GMCL1: variants seen among roughly 807,000 people sequenced by gnomAD.
GMCL1 encodes germ cell-less 1, spermatogenesis associated.
In GMCL1, 54 loss-of-function variants were observed where a neutral mutation model predicts 75.5. The ratio of observed to expected loss-of-function variants is 0.71; its 90% CI spans 0.57 to 0.90. GMCL1 has a LOEUF of 0.90. GMCL1 is among the 40% of genes least tolerant of loss of function. The pLI is 0.00. For synonymous variants in GMCL1, 210 were observed against 209.6 expected, an observed-to-expected ratio of 1.00 and a Z score of -0.02; for missense variants, 537 against 622.7, an observed-to-expected ratio of 0.86 and a Z score of 1.47.
At chr2:69,844,086 TA>T in intron 5 of GMCL1, 44 bp from the exon 6 acceptor site, 2 of 922,416 alleles carry the variant, frequency 2.2e-6, no homozygotes, top group Non-Finnish European at 3.2e-6. Context: ...TAATAAATTG[TA>T]AATACATGGC....
intron 8 of GMCL1, among the ~76,000 whole-genome samples, chr2:69,849,999 A>G (rs551913449): frequency 1.3e-5 from 2 of 152,306 alleles, no homozygotes; most frequent in East Asian, 1.9e-4. Flanking sequence ...AACTGTCATC[A>G]TACTCTTGAT....
At chr2:69,830,954 C>T (rs549479689) in intron 1 of GMCL1, among the ~76,000 whole-genome samples, 50 of 152,290 alleles carry the variant, frequency 3.3e-4, no homozygotes, top group African/African-American at 1.2e-3. Flanking sequence ...GAGCCTTGCT[C>T]TGTCACTCAG....
intron 7 of GMCL1, 149 bp downstream of exon 7, chr2:69,847,776 A>G: frequency 2.1e-6 from 1 of 465,196 alleles, no homozygotes; most frequent in Non-Finnish European, 3.8e-6. Flanking sequence ...AAGTCTTTAT[A>G]TTTAGGGATT....
rs771861667 is a variant in GMCL1 at position 69,847,607 on chromosome 2, A to T, written c.823A>T (p.Ile275Leu). The change falls in exon 7 of 14, where the codon ATA (isoleucine) becomes TTA (leucine). Residue 275 changes from isoleucine to leucine, a missense_variant. Physicochemically the swap from Ile to Leu is conservative, Grantham distance 5. Transcript: ENST00000282570. ...NLFVMQVEMD[I>L]YTALKKWMFL... ...ATTTGTGATGCAAGTGGAGATGGATATATACACTGCTCTAAAAAAGGTACT... is the reference window on the plus strand; with the variant it reads ...ATTTGTGATGCAAGTGGAGATGGATTTATACACTGCTCTAAAAAAGGTACT... 6.2e-6 allele frequency: 10 copies of T among 1,606,728 alleles called. No individual in the cohort carries two copies. In the South Asian group the frequency reaches 1.1e-4, roughly 18 times the overall value.
intron 1 of GMCL1, among the ~76,000 whole-genome samples, chr2:69,830,960 C>G (rs1209006321): frequency 6.6e-6 from 1 of 152,206 alleles, no homozygotes; most frequent in Non-Finnish European, 1.5e-5. Context: ...TGCTCTGTCA[C>G]TCAGGCCGGA....
chr2:69,835,942 G>T (rs1031434915), intron 1 of GMCL1, among the ~76,000 whole-genome samples: 1 of 152,118 alleles, frequency 6.6e-6, no homozygotes, highest in African/African-American at 2.4e-5. Flanking sequence ...TGCTTTGTCT[G>T]GGCACCAGCA....
chr2:69,866,059 G>T (rs1675807617), intron 11 of GMCL1, among the ~76,000 whole-genome samples: 2 of 152,130 alleles, frequency 1.3e-5, no homozygotes, highest in Admixed American at 1.3e-4. Context: ...GACCATCCTG[G>T]CTAACATGGT....
At chr2:69,862,628 G>A (rs1189331237) in intron 10 of GMCL1, among the ~76,000 whole-genome samples, 4 of 151,990 alleles carry the variant, frequency 2.6e-5, no homozygotes, top group Admixed American at 6.6e-5. Flanking sequence ...GTGTGGTAGC[G>A]CATGCCTGTA....
At chr2:69,841,302 C>T (rs749004155) in intron 4 of GMCL1, among the ~76,000 whole-genome samples, 4 of 152,076 alleles carry the variant, frequency 2.6e-5, no homozygotes, top group South Asian at 2.1e-4. Context: ...GTGGAAAAAA[C>T]GTACTTGTCT....
rs1675037124 is a variant in GMCL1, at chr2:69,843,238, T to C, written c.669T>C (p.Tyr223=). ...GCTATTACACATCAGCAGGGACCTA[T>C]GGATTAGATTCTGTAAAGAAAAAGT... ...VCGYYTSAGT[Y]GLDSVKKKCL... Residue 223 remains tyrosine (Y), a synonymous_variant, in exon 5 of 14, where the codon TAT becomes TAC. Coordinates refer to ENST00000282570, the MANE Select transcript of GMCL1 (RefSeq NM_178439.5). 1 of 1,595,848 alleles carries C rather than the reference T, an allele frequency of 6.3e-7. No homozygotes were observed. The highest frequency in any genetic ancestry group is 8.6e-7 in the Non-Finnish European group (1 of 1,164,438).
intron 4 of GMCL1, among the ~76,000 whole-genome samples, chr2:69,842,135 A>G (rs1184302495): frequency 6.6e-6 from 1 of 152,218 alleles, no homozygotes; most frequent in Non-Finnish European, 1.5e-5. Flanking sequence ...CATTCGTCCA[A>G]GGGAGGAAAG....
chr2:69,843,334 G>T (rs971959234), intron 5 of GMCL1, 73 bp downstream of exon 5: 1 of 737,120 alleles, frequency 1.4e-6, no homozygotes, highest in Non-Finnish European at 2.4e-6. Context: ...TTAAGAGAAT[G>T]TATAGCTATA....
chr2:69,874,406 C>T (rs909738772), intron 13 of GMCL1, among the ~76,000 whole-genome samples: 2 of 152,072 alleles, frequency 1.3e-5, no homozygotes, highest in African/African-American at 4.8e-5. Context: ...CTCTGTCGCC[C>T]AGGCTGGAGT....
At position 69,847,618 on chromosome 2, in the gene GMCL1, T is replaced by C; in HGVS notation, c.834T>C (p.Ala278=). The C allele has an allele frequency of 1.3e-6, 2 of 1,595,940 alleles. No homozygotes were observed. Among genetic ancestry groups the C allele is most frequent in the Non-Finnish European group, 1.7e-6 (2 of 1,164,214 alleles). ...VMQVEMDIYT[A]LKKWMFLQLV... ...AAGTGGAGATGGATATATACACTGC[T>C]CTAAAAAAGGTACTGACGTAATATG... The change falls in exon 7 of 14, where the codon GCT becomes GCC. Residue 278 remains alanine (A), a synonymous_variant. Transcript: ENST00000282570.
chr2:69,830,546 T>C (rs577212728), intron 1 of GMCL1, among the ~76,000 whole-genome samples: 3 of 152,240 alleles, frequency 2.0e-5, no homozygotes, highest in Admixed American at 2.0e-4. Context: ...AGACACTAAA[T>C]GTAATCTCTG....
chr2:69,851,145 A>G (rs1284552621), intron 8 of GMCL1, among the ~76,000 whole-genome samples: 1 of 152,200 alleles, frequency 6.6e-6, no homozygotes, highest in African/African-American at 2.4e-5. Context: ...TTTATTAAAG[A>G]TGTCTTTTTG....
intron 1 of GMCL1, among the ~76,000 whole-genome samples, chr2:69,834,240 C>G (rs1317072776): frequency 6.6e-6 from 1 of 152,198 alleles, no homozygotes; most frequent in Non-Finnish European, 1.5e-5. Context: ...TTGAAACACA[C>G]TTTCATGGAA....
At position 69,837,642 on chromosome 2, in the gene GMCL1, G is replaced by A. The variant is rs1032243881; in HGVS notation, c.356G>A (p.Trp119Ter). Reference sequence around the variant, plus strand: ...AAGATTTGTGCTCTAGGAGAAGAATGGAGCTTACACAAAATATATTTATGT... The same window carrying A: ...AAGATTTGTGCTCTAGGAGAAGAATAGAGCTTACACAAAATATATTTATGT... ...DIKICALGEE[W>*]SLHKIYLCQS... is the part of the protein sequence containing the mutation. Residue 119 changes from tryptophan to a stop codon, truncating the protein, a stop_gained, in exon 2 of 14, where the codon TGG (tryptophan) becomes TAG (stop). Coordinates refer to ENST00000282570, the MANE Select transcript of GMCL1 (RefSeq NM_178439.5). LOFTEE classifies it high-confidence loss of function. The A allele has an allele frequency of 1.2e-6, 2 of 1,601,852 alleles. No homozygotes were observed. Among genetic ancestry groups the A allele is most frequent in the Non-Finnish European group, 8.5e-7 (1 of 1,176,734 alleles).
chr2:69,854,213 A>G (rs1199109544), intron 8 of GMCL1, among the ~76,000 whole-genome samples: 5 of 149,040 alleles, frequency 3.4e-5, no homozygotes, highest in Admixed American at 3.4e-4. Context: ...GCAGTGGTGC[A>G]ATCATAGCTC....
Sources: allele counts gnomAD v4.1 joint callset (sites outside exome capture counted in the v4.1 genomes callset), GRCh38; gene constraint gnomAD v4.1.1; transcripts MANE v1.5; gene names NCBI Gene and HGNC (gene_info 2026-07-23, HGNC 2026-07-21).